Variants in SDC3 observed in about 807,000 individuals in gnomAD.
The protein encoded by SDC3 is syndecan 3.
A neutral mutation model predicts 24.4 loss-of-function variants in SDC3; 13 were observed. The ratio of observed to expected loss-of-function variants is 0.53; its 90% CI spans 0.35 to 0.85. The LOEUF (loss-of-function observed/expected upper bound fraction) is 0.85. Among genes scored for constraint, SDC3 ranks in the 40% least tolerant of loss-of-function variants. The pLI is 0.01. For missense variants in SDC3, 571 were observed against 584.5 expected, an observed-to-expected ratio of 0.98 and a Z score of 0.24; for synonymous variants, 295 against 260.9, an observed-to-expected ratio of 1.13 and a Z score of -1.26.
At chr1:30,878,600 G>C in intron 2 of SDC3, 23 bp downstream of exon 2, 1 of 1,573,542 alleles carries the variant, frequency 6.4e-7, no homozygotes, top group Non-Finnish European at 8.8e-7. Context: ...CCCCCAGGCA[G>C]AGGTAGGGAG....
At chr1:30,893,315 C>CCCCG (rs1355762507) in intron 1 of SDC3, among the ~76,000 whole-genome samples, 1 of 126,946 alleles carries the variant, frequency 7.9e-6, no homozygotes, top group Non-Finnish European at 1.7e-5. Context: ...CCCCCCCCCC[C>CCCCG]CCACCATGTC....
rs780246661 is a variant in SDC3, at chr1:30,874,523, C to G, written c.936G>C (p.Gly312=). 1.9e-6 allele frequency: 3 copies of G among 1,613,942 alleles called. No individual in the cohort carries two copies. The highest frequency in any genetic ancestry group is 1.3e-5 in the African/African-American group (1 of 74,906). ...RDEPEVPVSG[G]PSGDFELPEE... is the part of the protein sequence containing the mutation. ...CTGGCAGCTCGAAGTCTCCACTGGG[C>G]CCCCCACTCACCGGAACCTCTGGCT... is the stretch of plus-strand genomic sequence containing the variant. Residue 312 remains glycine, a synonymous_variant, in exon 4 of 5, where the codon GGG becomes GGC. Transcript: ENST00000339394.
intron 1 of SDC3, among the ~76,000 whole-genome samples, chr1:30,901,237 C>T (rs1045608766): frequency 6.6e-6 from 1 of 152,150 alleles, no homozygotes; most frequent in Non-Finnish European, 1.5e-5. Flanking sequence ...TTGGCAAGGC[C>T]CCAGGCTGTG....
Position 30,878,725 on chromosome 1 carries a change from T to C in SDC3, c.154A>G (p.Ser52Gly). Residue 52 changes from serine to glycine, a missense_variant, in exon 2 of 5, where the codon AGT becomes GGT. By Grantham distance (56) the Ser-to-Gly change is moderately conservative (BLOSUM62 0). This residue lies in a region of SDC3 where 497 missense variants were observed against 471.6 expected (regional missense o/e 1.05). Transcript: ENST00000339394. ...TCCACGGGTCTCTCGAAGTTCTCACTGCGCCAGCGCTGGGCCTAGGGAAGG... is the reference window on the plus strand; with the variant it reads ...TCCACGGGTCTCTCGAAGTTCTCACCGCGCCAGCGCTGGGCCTAGGGAAGG... Reference protein sequence around the residue: ...GRAAGAQRWRSENFERPVDLE... With the variant: ...GRAAGAQRWRGENFERPVDLE... 1 of 1,614,154 alleles carries C rather than the reference T, an allele frequency of 6.2e-7. No homozygotes were observed. Among genetic ancestry groups the C allele is most frequent in the South Asian group, 1.1e-5 (1 of 91,082 alleles).
chr1:30,908,530 G>A lies in SDC3; in HGVS notation c.57C>T (p.Ala19=), dbSNP rs1638579958. The A allele has an allele frequency of 1.1e-6, 1 of 935,612 alleles. No homozygotes were observed. The highest frequency in any genetic ancestry group is 1.9e-5 in the African/African-American group (1 of 53,832). 58.0% of individuals were successfully genotyped at this position (935,612 alleles called of 1,614,324 possible). ...GGGCCCCGGGCCCGGCCGCGGCCCC[G>A]GCCCCGGCGCCGGCCCCGTGGGCGG... The part of the protein sequence containing the change: ...AGAAHGAGAG[A]GAAAGPGARG... The change falls in exon 1 of 5, where the codon GCC becomes GCT. Residue 19 remains alanine (A), a synonymous_variant. Coordinates refer to ENST00000339394, the MANE Select transcript of SDC3 (RefSeq NM_014654.4).
chr1:30,905,310 ACCCCAC>A (rs1157054033), intron 1 of SDC3, among the ~76,000 whole-genome samples: 13 of 21,878 alleles, frequency 5.9e-4, no homozygotes, highest in Non-Finnish European at 6.3e-4. Flanking sequence ...CCCCCACCCC[ACCCCAC>A]CCCCACCCCC....
intron 3 of SDC3, among the ~76,000 whole-genome samples, chr1:30,875,211 A>G (rs1333246699): frequency 6.6e-6 from 1 of 152,212 alleles, no homozygotes; most frequent in Non-Finnish European, 1.5e-5. Context: ...GAGCCATCAG[A>G]GCAGGGATGT....
chr1:30,905,356 AACACACACAC>A (rs74721441), intron 1 of SDC3, among the ~76,000 whole-genome samples: 2 of 77,238 alleles, frequency 2.6e-5, no homozygotes, highest in African/African-American at 5.3e-5. Context: ...CTCTCTCACA[AACACACACAC>A]ACACACACAC....
intron 1 of SDC3, among the ~76,000 whole-genome samples, chr1:30,883,416 T>A (rs1024285277): frequency 3.9e-5 from 6 of 152,174 alleles, no homozygotes; most frequent in Non-Finnish European, 7.4e-5. Flanking sequence ...AGAGGCGACA[T>A]GAGCAAGGGG....
chr1:30,899,405 C>T (rs767588837), intron 1 of SDC3, among the ~76,000 whole-genome samples: 15 of 151,998 alleles, frequency 9.9e-5, no homozygotes, highest in Admixed American at 5.9e-4. Context: ...GAGACAGTCG[C>T]GCTCTGTCAC....
intron 1 of SDC3, among the ~76,000 whole-genome samples, chr1:30,894,094 A>G (rs371786613): frequency 1.3e-5 from 2 of 151,982 alleles, no homozygotes; most frequent in Non-Finnish European, 2.9e-5. Flanking sequence ...AAGGACAGAC[A>G]TATTTTCGTA....
intron 1 of SDC3, among the ~76,000 whole-genome samples, chr1:30,894,018 C>T (rs1639947129): frequency 6.6e-6 from 1 of 152,116 alleles, no homozygotes; most frequent in African/African-American, 2.4e-5. Flanking sequence ...TCACCTCTAA[C>T]GAGGCCAGAT....
At chr1:30,885,056 C>T (rs1460977144) in intron 1 of SDC3, among the ~76,000 whole-genome samples, 2 of 152,166 alleles carry the variant, frequency 1.3e-5, no homozygotes, top group Non-Finnish European at 2.9e-5. Context: ...CATCAGAAGA[C>T]AAGACAGTAT....
intron 1 of SDC3, among the ~76,000 whole-genome samples, chr1:30,892,458 T>G (rs1217962824): frequency 6.6e-6 from 1 of 151,998 alleles, no homozygotes; most frequent in Non-Finnish European, 1.5e-5. Flanking sequence ...AATGAATGAA[T>G]GAATGAATGA....
chr1:30,876,866 C>T lies in SDC3; in HGVS notation c.556G>A (p.Ala186Thr), dbSNP rs372651371. Residue 186 changes from alanine to threonine, a missense_variant, in exon 3 of 5, where the codon GCC (alanine) becomes ACC (threonine). Transcript: ENST00000339394. Reference sequence around the variant, plus strand: ...GGTGCTGCAGGGGTGCTGGGGGTGGCGGTGGCCACTGTGGCAGGCACTGTG... The same window carrying T: ...GGTGCTGCAGGGGTGCTGGGGGTGGTGGTGGCCACTGTGGCAGGCACTGTG... ...VATVPATVAT[A>T]TPSTPAAPPF... 160 of 1,613,210 alleles carry T rather than the reference C, an allele frequency of 9.9e-5. No individual in the cohort carries two copies. The highest frequency in any genetic ancestry group is 1.7e-4 in the Middle Eastern group (1 of 6,026).
At chr1:30,904,834 C>T (rs367734189) in intron 1 of SDC3, among the ~76,000 whole-genome samples, 1 of 152,192 alleles carries the variant, frequency 6.6e-6, no homozygotes, top group East Asian at 1.9e-4. Context: ...AGAAAGGTCC[C>T]ATCTCCTGAG....
At chr1:30,901,135 C>G (rs1187307466) in intron 1 of SDC3, among the ~76,000 whole-genome samples, 1 of 152,176 alleles carries the variant, frequency 6.6e-6, no homozygotes, top group Non-Finnish European at 1.5e-5. Context: ...ATCTCTGAGC[C>G]TTCCTCTAAA....
At chr1:30,883,868 G>T (rs1192648693) in intron 1 of SDC3, among the ~76,000 whole-genome samples, 2 of 152,134 alleles carry the variant, frequency 1.3e-5, no homozygotes, top group Non-Finnish European at 2.9e-5. Flanking sequence ...GGCAGGGAGG[G>T]AGGGTGTCTC....
At chr1:30,899,834 T>C (rs552598616) in intron 1 of SDC3, among the ~76,000 whole-genome samples, 2 of 152,078 alleles carry the variant, frequency 1.3e-5, no homozygotes, top group African/African-American at 4.8e-5. Flanking sequence ...AGACAAGACA[T>C]AGGACACACA....
Sources: gnomAD v4.1 joint callset for allele counts (sites outside exome capture counted in the v4.1 genomes callset) on GRCh38, gnomAD v4.1.1 for gene constraint, gnomAD v4.1.1 regional missense constraint, MANE v1.5 for transcripts, NCBI Gene and HGNC (gene_info 2026-07-23, HGNC 2026-07-21) for gene names.